DLG2: variants seen among roughly 807,000 people sequenced by gnomAD.
DLG2 encodes disks large homolog 2.
In DLG2, 45 loss-of-function variants were observed where a neutral mutation model predicts 132.5. The ratio of observed to expected loss-of-function variants is 0.34; its 90% CI spans 0.27 to 0.44. The LOEUF (loss-of-function observed/expected upper bound fraction) is 0.44. Among genes scored for constraint, DLG2 ranks in the 20% least tolerant of loss-of-function variants. The pLI is 1.00. For synonymous variants in DLG2, 424 were observed against 419.6 expected, an observed-to-expected ratio of 1.01 and a Z score of -0.13; for missense variants, 1,045 against 1,196.9, an observed-to-expected ratio of 0.87 and a Z score of 1.87.
At position 83,541,733 on chromosome 11, in the gene DLG2, A is replaced by G. The variant is rs777669976; in HGVS notation, c.2066T>C (p.Val689Ala). 1 of 1,612,476 alleles carries G rather than the reference A, an allele frequency of 6.2e-7. No individual in the cohort carries two copies. Among genetic ancestry groups the G allele is most frequent in the Non-Finnish European group, 8.5e-7 (1 of 1,179,216 alleles). ...CTCCTCACTGTCTCCCTCCAGCATG[A>G]CTCTCCTGGCTTGCCACCACTCATC... ...SDDEWWQARR[V>A]MLEGDSEEMG... Residue 689 changes from valine (V) to alanine (A), a missense_variant, in exon 20 of 28, where the codon GTC becomes GCC. Physicochemically the swap from Val to Ala is moderately conservative, Grantham distance 64. Transcript: ENST00000376104.
intron 19 of DLG2, among the ~76,000 whole-genome samples, chr11:83,616,172 G>C (rs1032706022): frequency 1.3e-5 from 2 of 151,988 alleles, no homozygotes; most frequent in African/African-American, 4.8e-5. Context: ...TTATTCCCAG[G>C]TTTAGGCTAT....
At chr11:84,550,549 T>C (rs898286399) in intron 6 of DLG2, among the ~76,000 whole-genome samples, 4 of 152,212 alleles carry the variant, frequency 2.6e-5, no homozygotes, top group African/African-American at 7.2e-5. Context: ...ACCTGTGAAA[T>C]TGGCACTTGC....
chr11:83,826,559 T>C (rs528392205), intron 17 of DLG2, among the ~76,000 whole-genome samples: 1 of 152,266 alleles, frequency 6.6e-6, no homozygotes, highest in African/African-American at 2.4e-5. Flanking sequence ...AGCATGCTGG[T>C]TTGGAGAGGC....
intron 18 of DLG2, among the ~76,000 whole-genome samples, chr11:83,727,636 T>A (rs951734327): frequency 1.3e-5 from 2 of 152,200 alleles, no homozygotes; most frequent in Admixed American, 1.3e-4. Flanking sequence ...TTCAAAAGTC[T>A]CTCCAATTTT....
At chr11:84,092,147 C>A (rs1428592866) in intron 10 of DLG2, among the ~76,000 whole-genome samples, 1 of 152,190 alleles carries the variant, frequency 6.6e-6, no homozygotes, top group South Asian at 2.1e-4. Context: ...GTAGCATAAT[C>A]ATGGAATTGA....
chr11:83,723,785 G>A (rs1387814978), intron 18 of DLG2, among the ~76,000 whole-genome samples: 4 of 152,064 alleles, frequency 2.6e-5, no homozygotes, highest in African/African-American at 4.8e-5. Flanking sequence ...GAACCTGGGA[G>A]GCGGAGGTTG....
At chr11:83,636,420 GGTAC>G (rs1380404732) in intron 18 of DLG2, among the ~76,000 whole-genome samples, 1 of 152,122 alleles carries the variant, frequency 6.6e-6, no homozygotes, top group Non-Finnish European at 1.5e-5. Context: ...AATGGCTCCA[GGTAC>G]TGAAATTGTC....
At chr11:84,043,097 A>C (rs1003439511) in intron 11 of DLG2, among the ~76,000 whole-genome samples, 1 of 151,684 alleles carries the variant, frequency 6.6e-6, no homozygotes, top group African/African-American at 2.4e-5. Flanking sequence ...TATTGCCTAA[A>C]TAAATTAATT....
chr11:84,373,249 C>CAAAAAAAAAAAAAAATAAAAAAAAAAAAA (rs1397733901), intron 7 of DLG2, among the ~76,000 whole-genome samples: 1 of 41,664 alleles, frequency 2.4e-5, no homozygotes, highest in African/African-American at 1.3e-4. Flanking sequence ...AAGAAACAGT[C>CAAAAAAAAAAAAAAATAAAAAAAAAAAAA]AAAAAAAAAA....
chr11:84,158,073 T>G (rs1218960008), intron 9 of DLG2, among the ~76,000 whole-genome samples: 2 of 130,018 alleles, frequency 1.5e-5, no homozygotes, highest in African/African-American at 6.7e-5. Context: ...TTTTTTTGGT[T>G]TTTTTTTTGA....
chr11:85,234,933 T>G (rs1449742074), intron 4 of DLG2, among the ~76,000 whole-genome samples: 1 of 151,994 alleles, frequency 6.6e-6, no homozygotes, highest in East Asian at 1.9e-4. Context: ...AATGTCCCTG[T>G]CAGACAGGAA....
chr11:85,536,911 A>G (rs531643386), intron 3 of DLG2, among the ~76,000 whole-genome samples: 4 of 152,342 alleles, frequency 2.6e-5, no homozygotes, highest in Admixed American at 6.5e-5. Context: ...AAAGTCCCAC[A>G]GTGAATGCCA....
At chr11:85,318,268 G>T (rs916200088) in intron 3 of DLG2, among the ~76,000 whole-genome samples, 4 of 151,766 alleles carry the variant, frequency 2.6e-5, no homozygotes, top group Non-Finnish European at 4.4e-5. Context: ...TGGACTTCTG[G>T]CAAAGTAAAA....
intron 6 of DLG2, among the ~76,000 whole-genome samples, chr11:84,610,874 C>T (rs2099594210): frequency 6.6e-6 from 1 of 152,038 alleles, no homozygotes; most frequent in Non-Finnish European, 1.5e-5. Context: ...CACGCTGTTT[C>T]CTCTGCCTGA....
At chr11:84,260,685 G>C (rs1038747583) in intron 7 of DLG2, among the ~76,000 whole-genome samples, 2 of 152,110 alleles carry the variant, frequency 1.3e-5, no homozygotes, top group African/African-American at 4.8e-5. Flanking sequence ...ACTTTCTCTT[G>C]TCTATAGAGA....
rs1192401405 is a variant in DLG2 at position 83,467,771 on chromosome 11, G to GTATATATA, written c.2620-962_2620-955dup. Among the ~76,000 whole-genome samples the GTATATATA allele has an allele frequency of 4.8e-3, 405 of 84,876 alleles. 5 individuals are homozygous for GTATATATA. The highest frequency in any genetic ancestry group is 9.4e-3 in the South Asian group (20 of 2,126). The allele number at this position is 84,876 out of a possible 152,430, so 55.7% of individuals were successfully genotyped here. A position where few individuals can be genotyped will look rare whatever the true frequency, so the allele number is the denominator to read the frequency against. ...ATCTCAAAAAAAATAAAAACTATAT[G>GTATATATA]TATATATATATATATATATATATAT... is the stretch of plus-strand genomic sequence containing the variant. On this transcript the variant is annotated intron_variant, in intron 25 of 27. Coordinates refer to ENST00000376104, the MANE Select transcript of DLG2 (RefSeq NM_001142699.3).
chr11:84,962,548 T>A (rs1413972644), intron 6 of DLG2, among the ~76,000 whole-genome samples: 1 of 152,226 alleles, frequency 6.6e-6, no homozygotes, highest in Admixed American at 6.5e-5. Flanking sequence ...AGGGGCCTTG[T>A]CTTTTCACTG....
intron 18 of DLG2, among the ~76,000 whole-genome samples, chr11:83,770,249 T>G (rs975211692): frequency 3.3e-5 from 5 of 150,860 alleles, no homozygotes; most frequent in African/African-American, 1.2e-4. Flanking sequence ...TCTCGTGGTG[T>G]CTGGTGTTTT....
intron 19 of DLG2, among the ~76,000 whole-genome samples, chr11:83,624,131 A>T (rs1736798956): frequency 6.6e-6 from 1 of 152,212 alleles, no homozygotes; most frequent in Non-Finnish European, 1.5e-5. Flanking sequence ...AGAGTCTAGC[A>T]GAGTGTGAGG....
Sources: gnomAD v4.1 joint callset for allele counts (sites outside exome capture counted in the v4.1 genomes callset) on GRCh38, gnomAD v4.1.1 for gene constraint, MANE v1.5 for transcripts, NCBI Gene and HGNC (gene_info 2026-07-23, HGNC 2026-07-21) for gene names.